The following SPATA21 variants were observed in gnomAD, a reference collection of about 807,000 sequenced individuals.
SPATA21 encodes spermatogenesis-associated protein 21.
SPATA21 carries 47 observed loss-of-function variants against 54.8 expected under a neutral mutation model. That is an observed-to-expected ratio of 0.86 (90% CI 0.68 to 1.09). The LOEUF (loss-of-function observed/expected upper bound fraction) is 1.09, where lower values mean the gene tolerates loss of function less well. Ranked by LOEUF, SPATA21 falls within the 50% of genes least tolerant of loss-of-function variation. SPATA21 has a pLI of 0.00. For missense variants in SPATA21, 599 were observed against 596.4 expected (o/e 1.00, Z -0.05); for synonymous variants, 245 against 235.3 (o/e 1.04, Z -0.38).
At position 16,428,141 on chromosome 1, in the gene SPATA21, G is replaced by C; in HGVS notation, c.34+3197C>G. The C allele has an allele frequency of 4.7e-6, 6 of 1,285,750 alleles. No individual in the cohort carries two copies. Among genetic ancestry groups the C allele is most frequent in the Non-Finnish European group, 6.2e-6 (6 of 960,568 alleles). 79.6% of individuals were successfully genotyped at this position (1,285,750 alleles called of 1,614,324 possible). A position where few individuals can be genotyped will look rare whatever the true frequency, so the allele number is the denominator to read the frequency against. ...GGACAGGGAGATCCTGTGCCTGATT[G>C]GGGAAGCTGTTGGAGAGGGGTGAGC... On this transcript the variant is annotated intron_variant, in intron 3 of 12. Coordinates refer to ENST00000335496, the MANE Select transcript of SPATA21 (RefSeq NM_198546.1). This position sits in a 1 kb window ranked among gnomAD's most constrained non-coding sequence, Gnocchi z 4.3.
At chr1:16,425,506 C>T in intron 3 of SPATA21, 1 of 1,548,032 alleles carries the variant, frequency 6.5e-7, no homozygotes, top group Non-Finnish European at 8.7e-7. Flanking sequence ...ACCCTTCTCC[C>T]CAGATCTCCT....
intron 5 of SPATA21, among the ~76,000 whole-genome samples, chr1:16,415,932 G>A (rs2100840503): frequency 6.6e-6 from 1 of 152,238 alleles, no homozygotes; most frequent in Non-Finnish European, 1.5e-5. Context: ...GGTGAACGAT[G>A]GTGCCAAGGC....
At chr1:16,400,363 G>T in intron 11 of SPATA21, 1 of 789,760 alleles carries the variant, frequency 1.3e-6, no homozygotes, top group Non-Finnish European at 1.5e-6. Context: ...ACATGATTAT[G>T]AGTATTAAAT....
intron 1 of SPATA21, among the ~76,000 whole-genome samples, chr1:16,435,639 C>T (rs2086569224): frequency 6.8e-6 from 1 of 147,156 alleles, no homozygotes; most frequent in Non-Finnish European, 1.5e-5. Flanking sequence ...TTTTTTCAGA[C>T]AGGGTCTTAC....
At position 16,409,773 on chromosome 1, in the gene SPATA21, G is replaced by C. The variant is rs149587350; in HGVS notation, c.415C>G (p.Pro139Ala). The C allele has an allele frequency of 1.3e-4, 213 of 1,605,450 alleles. No individual in the cohort carries two copies. The African/African-American group carries it at 2.5e-3, about 19-fold the overall frequency. ...QTPASVPASG[P>A]SWARLPAPGP... ...GGAGCTGGCAGCCGGGCCCACGATG[G>C]GCCGCTGGCAGGGACCGAGGCAGGG... Residue 139 changes from proline to alanine, a missense_variant, in exon 6 of 13, where the codon CCA (proline) becomes GCA (alanine). By Grantham distance (27) the Pro-to-Ala change is conservative. Coordinates refer to ENST00000335496, the MANE Select transcript of SPATA21 (RefSeq NM_198546.1). The surrounding 1 kb of genome is among the most constrained non-coding windows in gnomAD (Gnocchi z 4.1).
intron 5 of SPATA21, among the ~76,000 whole-genome samples, chr1:16,415,274 G>T (rs973110559): frequency 1.3e-5 from 2 of 152,108 alleles, no homozygotes; most frequent in Non-Finnish European, 2.9e-5. Context: ...GGAGGCGGAG[G>T]TTGCAGTGAG....
chr1:16,405,493 GAA>G (rs538611012), intron 7 of SPATA21, among the ~76,000 whole-genome samples: 12,092 of 81,258 alleles, frequency 0.15, 754 homozygotes, highest in Non-Finnish European at 0.2. Context: ...AAATAAAAAT[GAA>G]AAAAAAAAAA....
intron 10 of SPATA21, among the ~76,000 whole-genome samples, chr1:16,402,249 C>CTTTTTTTTTTTTTTTTT: frequency 1.8e-5 from 1 of 55,946 alleles, no homozygotes; most frequent in Non-Finnish European, 2.9e-5. Context: ...AGCTGCCATT[C>CTTTTTTTTTTTTTTTTT]TTTTTTTTTT....
intron 3 of SPATA21, among the ~76,000 whole-genome samples, chr1:16,430,202 C>G (rs2086425551): frequency 6.7e-6 from 1 of 149,124 alleles, no homozygotes; most frequent in Non-Finnish European, 1.5e-5. Flanking sequence ...CTGAGGCAGA[C>G]AGATCACTTG....
chr1:16,401,999 A>G (rs1291188584), intron 10 of SPATA21, among the ~76,000 whole-genome samples: 1 of 152,148 alleles, frequency 6.6e-6, no homozygotes, highest in Admixed American at 6.6e-5. Flanking sequence ...CCAGCCGTCT[A>G]CTAACACCGT....
intron 5 of SPATA21, among the ~76,000 whole-genome samples, chr1:16,414,432 C>T (rs1369682613): frequency 6.6e-6 from 1 of 152,128 alleles, no homozygotes; most frequent in Non-Finnish European, 1.5e-5. Flanking sequence ...GTCACAAGCT[C>T]CATTCACCAT....
intron 3 of SPATA21, among the ~76,000 whole-genome samples, chr1:16,424,647 C>CA (rs1355857327): frequency 1.3e-5 from 2 of 151,932 alleles, no homozygotes; most frequent in Non-Finnish European, 2.9e-5. Context: ...CTCCTGGGCT[C>CA]AAGCAATCCT....
rs1384878178 is a variant in SPATA21 at position 16,437,296 on chromosome 1, C to G, written c.-355G>C. On this transcript the variant is annotated 5_prime_UTR_variant, in exon 1 of 13. Transcript: ENST00000335496. Reference sequence around the variant, plus strand: ...AGATGGCAGGTCCAATTATTCTCAGCAGCAGAGGTTTAGGAATGCATTTCA... The same window carrying G: ...AGATGGCAGGTCCAATTATTCTCAGGAGCAGAGGTTTAGGAATGCATTTCA... The G allele has an allele frequency of 6.6e-6, 1 of 152,268 alleles. No homozygotes were observed. The highest frequency in any genetic ancestry group is 1.5e-5 in the Non-Finnish European group (1 of 68,080). 9.4% of individuals were successfully genotyped at this position (152,268 alleles called of 1,614,324 possible).
downstream of SPATA21, chr1:16,397,306 C>T (rs3088128): frequency 2.2e-4 from 34 of 152,370 alleles, no homozygotes; most frequent in African/African-American, 8.2e-4. This position sits in a 1 kb window ranked among gnomAD's most constrained non-coding sequence, Gnocchi z 5.4. Flanking sequence ...ATGCCCTGGG[C>T]TTCCCAAATG....
chr1:16,399,484 G>A lies in SPATA21; in HGVS notation c.1212C>T (p.Cys404=). The part of the protein sequence containing the change: ...NLQSPYAQVP[C]ILLCPQLDKK... ...TGTCCAGCTGTGGGCAGAGCAGGAT[G>A]CAGGGCACCTGGGCATAGGGGCTCT... The change falls in exon 12 of 13, where the codon TGC becomes TGT. Residue 404 remains cysteine (C), a synonymous_variant. Transcript: ENST00000335496. 6.2e-7 allele frequency: 1 copy of A among 1,613,962 alleles called. No individual in the cohort carries two copies. The highest frequency in any genetic ancestry group is 1.3e-5 in the African/African-American group (1 of 74,910).
At chr1:16,412,104 T>C (rs1270165228) in intron 5 of SPATA21, among the ~76,000 whole-genome samples, 1 of 152,106 alleles carries the variant, frequency 6.6e-6, no homozygotes, top group East Asian at 1.9e-4. Flanking sequence ...TGCCCCTGCC[T>C]CCGGTGCTGG....
chr1:16,409,579 G>T lies in SPATA21; in HGVS notation c.587+22C>A, dbSNP rs2085762400. On this transcript the variant is annotated intron_variant, in intron 6 of 12. Transcript: ENST00000335496. The surrounding 1 kb of genome is among the most constrained non-coding windows in gnomAD (Gnocchi z 4.1). ...TCTTGGGGCCTTTCAGGAGCGGGCG[G>T]GTGAGCAGCGGGGGCTCCTACCGCG... 2.5e-6 allele frequency: 4 copies of T among 1,599,448 alleles called. No individual in the cohort carries two copies. Among genetic ancestry groups the T allele is most frequent in the Non-Finnish European group, 3.4e-6 (4 of 1,174,838 alleles).
intron 3 of SPATA21, among the ~76,000 whole-genome samples, chr1:16,427,232 C>A (rs917825076): frequency 6.6e-6 from 1 of 151,990 alleles, no homozygotes. Flanking sequence ...CTATTTCCAC[C>A]GGCATGGTAT....
intron 3 of SPATA21, among the ~76,000 whole-genome samples, chr1:16,426,579 A>ATATATAT (rs1401259793): frequency 1.9e-5 from 2 of 107,154 alleles, no homozygotes; most frequent in African/African-American, 3.8e-5. Context: ...ATATATATAT[A>ATATATAT]TTTTTTTTTT....
Sources: allele counts gnomAD v4.1 joint callset (sites outside exome capture counted in the v4.1 genomes callset), GRCh38; gene constraint gnomAD v4.1.1; non-coding constraint Gnocchi (gnomAD v3.1); transcripts MANE v1.5; gene names NCBI Gene and HGNC (gene_info 2026-07-23, HGNC 2026-07-21).